Variants in PLXNC1 observed in about 807,000 individuals in gnomAD.
PLXNC1 encodes plexin-C1.
Under a neutral mutation model 178.2 loss-of-function variants are expected in PLXNC1, and 75 were observed. The observed-to-expected ratio is 0.42, with a 90% CI of 0.35 to 0.51. The LOEUF is 0.51. PLXNC1 is among the 20% of genes least tolerant of loss of function. The probability of loss-of-function intolerance (pLI) is 0.02; values close to 1 mark genes in which losing one functional copy is unlikely to be tolerated. For missense variants in PLXNC1, 1,503 were observed against 1,984.4 expected, an observed-to-expected ratio of 0.76 and a Z score of 4.61; for synonymous variants, 790 against 779.9, an observed-to-expected ratio of 1.01 and a Z score of -0.22.
chr12:94,268,085 C>T (rs1965350672), intron 21 of PLXNC1, among the ~76,000 whole-genome samples: 1 of 152,134 alleles, frequency 6.6e-6, no homozygotes, highest in Non-Finnish European at 1.5e-5. Flanking sequence ...ATGACAGAAC[C>T]TGGTGCCAAG....
At chr12:94,276,399 G>T (rs751104283) in intron 21 of PLXNC1, among the ~76,000 whole-genome samples, 1 of 151,294 alleles carries the variant, frequency 6.6e-6, no homozygotes, top group Non-Finnish European at 1.5e-5. Context: ...ATTTAGCTTA[G>T]GACATTGCTT....
At chr12:94,184,297 T>TA (rs1354100874) in intron 3 of PLXNC1, among the ~76,000 whole-genome samples, 1 of 151,900 alleles carries the variant, frequency 6.6e-6, no homozygotes. Flanking sequence ...TTTGTATTTT[T>TA]TTTTTTTTAA....
chr12:94,236,121 T>G (rs1341593633), intron 9 of PLXNC1, among the ~76,000 whole-genome samples: 1 of 152,188 alleles, frequency 6.6e-6, no homozygotes, highest in Non-Finnish European at 1.5e-5. Context: ...ACAGAATAAT[T>G]AAAGTGACCC....
intron 3 of PLXNC1, among the ~76,000 whole-genome samples, chr12:94,184,262 C>A (rs1962430517): frequency 6.6e-6 from 1 of 151,532 alleles, no homozygotes; most frequent in African/African-American, 2.4e-5. Context: ...GGACTACAGT[C>A]ACACGCTACC....
chr12:94,168,018 A>G (rs1478368775), intron 1 of PLXNC1: 2 of 152,242 alleles, frequency 1.3e-5, no homozygotes, highest in African/African-American at 2.4e-5. Flanking sequence ...GTTTAAAAAT[A>G]ATGAATATTT....
At position 94,207,378 on chromosome 12, in the gene PLXNC1, C is replaced by T. The variant is rs115302571; in HGVS notation, c.1440-2212C>T. ...TCAAAAAGTAAAATGGAAACCTCAC[C>T]CCCAATTTGTCCCCAGATTTAAACT... On this transcript the variant is annotated intron_variant, in intron 4 of 30. Coordinates refer to ENST00000258526, the MANE Select transcript of PLXNC1 (RefSeq NM_005761.3). 3.7e-3 allele frequency among the ~76,000 whole-genome samples: 556 copies of T among 151,838 alleles called. 3 individuals are homozygous for T. Among genetic ancestry groups the T allele is most frequent in the African/African-American group, 0.013 (522 of 41,382 alleles).
At chr12:94,214,223 T>C (rs971603933) in intron 5 of PLXNC1, among the ~76,000 whole-genome samples, 4 of 152,012 alleles carry the variant, frequency 2.6e-5, no homozygotes, top group African/African-American at 9.7e-5. Context: ...TAGCTGGGAC[T>C]ACAGGTGTGA....
intron 4 of PLXNC1, among the ~76,000 whole-genome samples, chr12:94,200,264 C>T (rs1401452834): frequency 6.6e-6 from 1 of 152,130 alleles, no homozygotes; most frequent in African/African-American, 2.4e-5. Context: ...TTGAAATGAC[C>T]TTATCTCAGG....
At chr12:94,158,688 C>G (rs192291690) in intron 1 of PLXNC1, among the ~76,000 whole-genome samples, 67 of 152,152 alleles carry the variant, frequency 4.4e-4, no homozygotes, top group Non-Finnish European at 5.4e-4. Context: ...TGTAGTCCAA[C>G]TGCTTGGGAG....
intron 3 of PLXNC1, among the ~76,000 whole-genome samples, chr12:94,184,606 A>C (rs1485145999): frequency 1.3e-5 from 2 of 151,610 alleles, no homozygotes; most frequent in African/African-American, 4.9e-5. Context: ...TATTTTTAGT[A>C]GAGACAGAGT....
intron 21 of PLXNC1, among the ~76,000 whole-genome samples, chr12:94,275,251 C>A (rs1049714029): frequency 2.6e-5 from 4 of 152,236 alleles, no homozygotes; most frequent in Admixed American, 6.5e-5. Context: ...CATGAATTAT[C>A]TGAGAACAAG....
At position 94,297,230 on chromosome 12, in the gene PLXNC1, GGCTTTCTTGT is replaced by G; in HGVS notation, c.3966+14_3966+23del. 6.2e-7 allele frequency: 1 copy of G among 1,614,040 alleles called. No homozygotes were observed. The highest frequency in any genetic ancestry group is 8.5e-7 in the Non-Finnish European group (1 of 1,179,916). ...TGACCACTGCCATTTGGTGAGTTCAGGCTTTCTTGTGCTCACCACTGAACTGCATGCCTTC... is the reference window on the plus strand; with the variant it reads ...TGACCACTGCCATTTGGTGAGTTCAGGCTCACCACTGAACTGCATGCCTTC... On this transcript the variant is annotated intron_variant, in intron 25 of 30. Coordinates refer to ENST00000258526, the MANE Select transcript of PLXNC1 (RefSeq NM_005761.3).
intron 21 of PLXNC1, among the ~76,000 whole-genome samples, chr12:94,271,661 G>A (rs557573256): frequency 1.1e-4 from 16 of 152,264 alleles, no homozygotes; most frequent in African/African-American, 3.1e-4. Context: ...ACCTGCCCTC[G>A]CATATTTGTG....
chr12:94,237,516 T>A (rs910728080), intron 9 of PLXNC1, 148 bp from the exon 10 acceptor site: 1 of 636,112 alleles, frequency 1.6e-6, no homozygotes, highest in Non-Finnish European at 2.7e-6. Context: ...CTTGAATTCA[T>A]TGATTTCATT....
At chr12:94,203,836 C>T (rs1190702741) in intron 4 of PLXNC1, among the ~76,000 whole-genome samples, 1 of 152,188 alleles carries the variant, frequency 6.6e-6, no homozygotes, top group African/African-American at 2.4e-5. Context: ...GAATTTAATC[C>T]CCAATGCAAC....
rs141870271 is a variant in PLXNC1 at position 94,284,537 on chromosome 12, T to C, written c.3879+2136T>C. ...TTCACCTTTCAGATGTCTTTCACTGTTATAGTTTTGCAATGGCGATTTCAG... is the reference window on the plus strand; with the variant it reads ...TTCACCTTTCAGATGTCTTTCACTGCTATAGTTTTGCAATGGCGATTTCAG... On this transcript the variant is annotated intron_variant, in intron 23 of 30. Transcript: ENST00000258526. Among the ~76,000 whole-genome samples, 756 of 152,292 alleles carry C rather than the reference T, an allele frequency of 5.0e-3. 4 individuals carry two copies. The highest frequency in any genetic ancestry group is 8.7e-3 in the Non-Finnish European group (592 of 68,028).
At chr12:94,289,360 C>T (rs1967041692) in intron 23 of PLXNC1, among the ~76,000 whole-genome samples, 1 of 152,166 alleles carries the variant, frequency 6.6e-6, no homozygotes, top group Non-Finnish European at 1.5e-5. Context: ...GGAGGGGAAT[C>T]GCTTGTTGTC....
At chr12:94,275,326 G>C (rs1592869566) in intron 21 of PLXNC1, among the ~76,000 whole-genome samples, 1 of 152,354 alleles carries the variant, frequency 6.6e-6, no homozygotes, top group South Asian at 2.1e-4. Context: ...AGAACATGCT[G>C]GTTAAATGGG....
intron 6 of PLXNC1, among the ~76,000 whole-genome samples, chr12:94,222,786 A>T (rs1963833255): frequency 6.6e-6 from 1 of 151,874 alleles, no homozygotes; most frequent in Non-Finnish European, 1.5e-5. Flanking sequence ...GTGTATTTTC[A>T]CTGGGAGTCC....
Sources: gnomAD v4.1 joint callset for allele counts (sites outside exome capture counted in the v4.1 genomes callset) on GRCh38, gnomAD v4.1.1 for gene constraint, MANE v1.5 for transcripts, NCBI Gene and HGNC (gene_info 2026-07-23, HGNC 2026-07-21) for gene names.